Variants in PHACTR3 observed in about 807,000 individuals in gnomAD.
PHACTR3 encodes phosphatase and actin regulator 3.
A neutral mutation model predicts 66.8 loss-of-function variants in PHACTR3; 16 were observed. The observed-to-expected ratio is 0.24, with a 90% CI of 0.16 to 0.36. PHACTR3 has a LOEUF of 0.36. Among genes scored for constraint, PHACTR3 ranks in the 10% least tolerant of loss-of-function variants. The probability of loss-of-function intolerance (pLI) is 1.00; values close to 1 mark genes in which losing one functional copy is unlikely to be tolerated. For synonymous variants in PHACTR3, 323 were observed against 292.1 expected (o/e 1.11, Z -1.08); for missense variants, 647 against 719.9 (o/e 0.90, Z 1.16).
intron 1 of PHACTR3, among the ~76,000 whole-genome samples, chr20:59,708,539 A>T (rs1290907169): frequency 3.3e-5 from 5 of 152,090 alleles, no homozygotes; most frequent in African/African-American, 1.2e-4. Flanking sequence ...GGGATGTGTA[A>T]TTCCCTCCCG....
At chr20:59,707,657 G>T (rs1029702502) in intron 1 of PHACTR3, among the ~76,000 whole-genome samples, 3 of 151,962 alleles carry the variant, frequency 2.0e-5, no homozygotes, top group Admixed American at 2.0e-4. Context: ...TAGAGACAGG[G>T]TTTCACTATG....
intron 1 of PHACTR3, among the ~76,000 whole-genome samples, chr20:59,618,054 G>A (rs2034098127): frequency 6.6e-6 from 1 of 152,250 alleles, no homozygotes; most frequent in Non-Finnish European, 1.5e-5. Flanking sequence ...TGAGGGAAGG[G>A]TCCAGGGGAG....
chr20:59,610,142 C>T (rs191444534), intron 1 of PHACTR3, among the ~76,000 whole-genome samples: 28 of 152,286 alleles, frequency 1.8e-4, no homozygotes, highest in Admixed American at 9.8e-4. Flanking sequence ...GTCGTCCCAG[C>T]TACTTGGGGG....
At position 59,590,930 on chromosome 20, in the gene PHACTR3, C is replaced by T. The variant is rs531584879; in HGVS notation, c.109+13313C>T. Reference sequence around the variant, plus strand: ...TGACCTAATCACCATCATCTCTGAGCGCTGCGCTGTCCTGTGCAGGACCCA... The same window carrying T: ...TGACCTAATCACCATCATCTCTGAGTGCTGCGCTGTCCTGTGCAGGACCCA... On this transcript the variant is annotated intron_variant, in intron 1 of 12. Transcript: ENST00000359926. 1.1e-4 allele frequency among the ~76,000 whole-genome samples: 17 copies of T among 152,248 alleles called. No individual in the cohort carries two copies. In the South Asian group the frequency reaches 1.5e-3, roughly 13 times the overall value.
At chr20:59,840,873 T>A (rs1568876184) in intron 10 of PHACTR3, among the ~76,000 whole-genome samples, 3 of 152,238 alleles carry the variant, frequency 2.0e-5, no homozygotes, top group African/African-American at 7.2e-5. Context: ...TCTCTGTGAC[T>A]CAAACAGTTA....
intron 1 of PHACTR3, among the ~76,000 whole-genome samples, chr20:59,700,993 C>T (rs1485790448): frequency 6.6e-6 from 1 of 151,722 alleles, no homozygotes; most frequent in Non-Finnish European, 1.5e-5. Flanking sequence ...GGTCTCACTA[C>T]ATTGCCCAGG....
At chr20:59,598,036 T>A (rs905497194) in intron 1 of PHACTR3, among the ~76,000 whole-genome samples, 1 of 152,210 alleles carries the variant, frequency 6.6e-6, no homozygotes, top group Non-Finnish European at 1.5e-5. Context: ...GGAGGAAAAG[T>A]CACCTGGAGG....
At chr20:59,692,619 G>T (rs1455668231) in intron 1 of PHACTR3, among the ~76,000 whole-genome samples, 1 of 152,236 alleles carries the variant, frequency 6.6e-6, no homozygotes, top group East Asian at 1.9e-4. Context: ...TGAGGTAGGT[G>T]AGGAGACTGA....
intron 2 of PHACTR3, among the ~76,000 whole-genome samples, chr20:59,744,669 AATTATT>A (rs1230914289): frequency 3.3e-5 from 5 of 152,134 alleles, no homozygotes; most frequent in African/African-American, 7.2e-5. Context: ...TGCTTTACAA[AATTATT>A]ATTATTATTT....
At chr20:59,800,272 C>T (rs925299016) in intron 7 of PHACTR3, among the ~76,000 whole-genome samples, 1 of 152,160 alleles carries the variant, frequency 6.6e-6, no homozygotes, top group Non-Finnish European at 1.5e-5. Context: ...GGTATAGATT[C>T]AGGTTTCTAT....
chr20:59,686,697 T>G (rs1261622325), intron 1 of PHACTR3, among the ~76,000 whole-genome samples: 2,462 of 72,940 alleles, frequency 0.034, no homozygotes, highest in Middle Eastern at 0.06. Context: ...TGATGATGAT[T>G]GTGATGATGG....
At chr20:59,782,225 G>A (rs1242312363) in intron 7 of PHACTR3, among the ~76,000 whole-genome samples, 1 of 152,096 alleles carries the variant, frequency 6.6e-6, no homozygotes, top group Non-Finnish European at 1.5e-5. Context: ...AGAGGTGGTT[G>A]TTTTTTTCAT....
At chr20:59,766,708 A>C (rs1439161943) in intron 4 of PHACTR3, among the ~76,000 whole-genome samples, 2 of 152,244 alleles carry the variant, frequency 1.3e-5, no homozygotes, top group Admixed American at 1.3e-4. Flanking sequence ...GAGCTGCTGG[A>C]CTGGAGGGTT....
rs575196677 is a variant in PHACTR3 at position 59,828,364 on chromosome 20, T to G, written c.1329-8141T>G. Among the ~76,000 whole-genome samples, 3 of 152,336 alleles carry G rather than the reference T, an allele frequency of 2.0e-5. No homozygotes were observed. In the South Asian group the frequency reaches 6.2e-4, roughly 32 times the overall value. On this transcript the variant is annotated intron_variant, in intron 8 of 12. Coordinates refer to ENST00000371015, the MANE Select transcript of PHACTR3 (RefSeq NM_080672.5). ...GTGGCTGGCACTGTGATGGTGATTT[T>G]TCTGTAGCGGCAGCATTGGCATTGT... is the stretch of plus-strand genomic sequence containing the variant.
At chr20:59,803,369 AT>A (rs556196720) in intron 7 of PHACTR3, among the ~76,000 whole-genome samples, 303 of 149,738 alleles carry the variant, frequency 2.0e-3, no homozygotes, top group African/African-American at 5.8e-3. Context: ...CAAAGGAGAG[AT>A]TTTTTTTTTG....
At chr20:59,766,100 G>A (rs150886538) in intron 4 of PHACTR3, among the ~76,000 whole-genome samples, 1 of 152,214 alleles carries the variant, frequency 6.6e-6, no homozygotes, top group African/African-American at 2.4e-5. Context: ...AAATCCAAGA[G>A]GAGCCCCGGT....
At chr20:59,658,068 C>T (rs1480032971) in intron 1 of PHACTR3, among the ~76,000 whole-genome samples, 1 of 151,964 alleles carries the variant, frequency 6.6e-6, no homozygotes, top group Non-Finnish European at 1.5e-5. Flanking sequence ...CTTTTTTCTA[C>T]CAATTCAACA....
chr20:59,732,118 C>A (rs969437579), intron 1 of PHACTR3, among the ~76,000 whole-genome samples: 1 of 152,140 alleles, frequency 6.6e-6, no homozygotes, highest in Non-Finnish European at 1.5e-5. Context: ...TGCTAATATG[C>A]ACTGGGGCTC....
At chr20:59,747,710 A>T in intron 2 of PHACTR3, 48 bp from the exon 3 acceptor site, 1 of 1,597,864 alleles carries the variant, frequency 6.3e-7, no homozygotes, top group Non-Finnish European at 8.6e-7. Context: ...GACAGGGCCC[A>T]GTGACACCTT....
Sources: gnomAD v4.1 joint callset for allele counts (sites outside exome capture counted in the v4.1 genomes callset) on GRCh38, gnomAD v4.1.1 for gene constraint, MANE v1.5 for transcripts, NCBI Gene and HGNC (gene_info 2026-07-23, HGNC 2026-07-21) for gene names.